The following MAGI1 variants were observed in gnomAD, a reference collection of about 807,000 sequenced individuals.
MAGI1 encodes the protein membrane associated guanylate kinase, WW and PDZ domain containing 1, also known as membrane-associated guanylate kinase, WW and PDZ domain-containing protein 1.
Under a neutral mutation model 139.9 loss-of-function variants are expected in MAGI1, and 58 were observed. The observed-to-expected ratio is 0.41, with a 90% CI of 0.34 to 0.52. MAGI1 has a LOEUF of 0.52. Among genes scored for constraint, MAGI1 ranks in the 20% least tolerant of loss-of-function variants. MAGI1 has a pLI of 0.12. For synonymous variants in MAGI1, 812 were observed against 737.9 expected, an observed-to-expected ratio of 1.10 and a Z score of -1.63; for missense variants, 1,874 against 1,901.6, an observed-to-expected ratio of 0.99 and a Z score of 0.27.
At chr3:65,764,195 A>G (rs2037285468) in intron 1 of MAGI1, among the ~76,000 whole-genome samples, 1 of 152,146 alleles carries the variant, frequency 6.6e-6, no homozygotes, top group African/African-American at 2.4e-5. Context: ...AAATACAGTA[A>G]TAAAAATTTC....
At chr3:65,921,851 A>G (rs1270850036) in intron 1 of MAGI1, among the ~76,000 whole-genome samples, 1 of 151,864 alleles carries the variant, frequency 6.6e-6, no homozygotes, top group African/African-American at 2.4e-5. Flanking sequence ...GGCTGCAGTG[A>G]GCCACGATGG....
At chr3:65,773,249 G>A (rs1245300745) in intron 1 of MAGI1, among the ~76,000 whole-genome samples, 1 of 152,136 alleles carries the variant, frequency 6.6e-6, no homozygotes, top group African/African-American at 2.4e-5. Flanking sequence ...TTAAGAGTAG[G>A]GGGTCGGGCA....
At chr3:65,787,732 C>T (rs1172028685) in intron 1 of MAGI1, among the ~76,000 whole-genome samples, 1 of 151,850 alleles carries the variant, frequency 6.6e-6, no homozygotes, top group Admixed American at 6.6e-5. Context: ...TCTAATTAGC[C>T]TTGGGTGGTT....
At chr3:65,705,571 G>A (rs925224513) in intron 1 of MAGI1, among the ~76,000 whole-genome samples, 2 of 152,164 alleles carry the variant, frequency 1.3e-5, no homozygotes, top group Admixed American at 6.6e-5. Flanking sequence ...ATTCACATGG[G>A]GAGCAGCCAT....
At chr3:65,737,428 A>G (rs932190672) in intron 1 of MAGI1, among the ~76,000 whole-genome samples, 1 of 152,268 alleles carries the variant, frequency 6.6e-6, no homozygotes, top group African/African-American at 2.4e-5. Context: ...CTTCCAGTAA[A>G]GAACAAGTCA....
At chr3:65,991,781 G>A (rs530326364) in intron 1 of MAGI1, among the ~76,000 whole-genome samples, 22 of 152,212 alleles carry the variant, frequency 1.4e-4, no homozygotes, top group Admixed American at 7.8e-4. Context: ...TTGAGAGGCC[G>A]AGGTGGGTGG....
At chr3:65,814,690 T>C (rs548480272) in intron 1 of MAGI1, among the ~76,000 whole-genome samples, 7 of 152,282 alleles carry the variant, frequency 4.6e-5, no homozygotes, top group Non-Finnish European at 8.8e-5. Context: ...GGACTGCTCA[T>C]AGAATGCTCA....
chr3:65,833,944 T>A (rs1025265612), intron 1 of MAGI1, among the ~76,000 whole-genome samples: 2 of 152,234 alleles, frequency 1.3e-5, no homozygotes, highest in African/African-American at 4.8e-5. Flanking sequence ...ATCTTTAGAT[T>A]ACTAGTACAC....
At chr3:65,359,474 G>A in intron 22 of MAGI1, 1 of 1,098,112 alleles carries the variant, frequency 9.1e-7, no homozygotes, top group Non-Finnish European at 1.1e-6. Context: ...GGCTGGCATA[G>A]GAGAGCATTA....
Position 65,727,598 on chromosome 3 carries a change from G to A in MAGI1, c.314-105510C>T, listed in dbSNP as rs185469223. Among the ~76,000 whole-genome samples, 115 of 152,248 alleles carry A rather than the reference G, an allele frequency of 7.6e-4. 1 individual carries two copies. In the Middle Eastern group the frequency reaches 0.01, roughly 14 times the overall value. On this transcript the variant is annotated intron_variant, in intron 1 of 22. Transcript: ENST00000402939. ...TTTATGATAAACTGAATGTAACCTG[G>A]GAGATGTGAGTAATATATGTGAATG...
chr3:65,478,696 G>A lies in MAGI1; in HGVS notation c.653C>T (p.Thr218Ile), dbSNP rs755984353. 11 of 1,614,048 alleles carry A rather than the reference G, an allele frequency of 6.8e-6. No individual in the cohort carries two copies. In the East Asian group the frequency reaches 8.9e-5, roughly 13 times the overall value. Reference sequence around the variant, plus strand: ...ATTGTAGGACTTGGTTCGCTTCGGGGTCGACTGCTTAGAGCCAGACTGAAG... The same window carrying A: ...ATTGTAGGACTTGGTTCGCTTCGGGATCGACTGCTTAGAGCCAGACTGAAG... ...HSLQSGSKQSTPKRTKSYNDM... is the reference protein window; with the variant it reads ...HSLQSGSKQSIPKRTKSYNDM... Residue 218 changes from threonine to isoleucine, a missense_variant, in exon 4 of 23, where the codon ACC becomes ATC. Coordinates refer to ENST00000402939, the MANE Select transcript of MAGI1 (RefSeq NM_001033057.2).
At chr3:65,433,485 G>A (rs62252638) in intron 10 of MAGI1, among the ~76,000 whole-genome samples, 11 of 151,964 alleles carry the variant, frequency 7.2e-5, no homozygotes, top group Non-Finnish European at 1.0e-4. Flanking sequence ...TATTTTTTAC[G>A]TATGGGTGGA....
intron 1 of MAGI1, among the ~76,000 whole-genome samples, chr3:65,663,674 G>A (rs937678275): frequency 2.0e-5 from 3 of 152,176 alleles, no homozygotes; most frequent in Non-Finnish European, 2.9e-5. Flanking sequence ...AGCCCTTGGG[G>A]AGCCTTCAGT....
intron 1 of MAGI1, among the ~76,000 whole-genome samples, chr3:65,986,055 G>C (rs975117051): frequency 7.2e-5 from 11 of 152,304 alleles, no homozygotes; most frequent in Non-Finnish European, 1.6e-4. Context: ...AAAGGGTATA[G>C]GATAGAAGGA....
chr3:65,730,048 T>G (rs1273142471), intron 1 of MAGI1, among the ~76,000 whole-genome samples: 1 of 152,210 alleles, frequency 6.6e-6, no homozygotes, highest in East Asian at 1.9e-4. Flanking sequence ...TTTCTCAGCA[T>G]CTGTCTTTCT....
chr3:65,449,986 C>T (rs1215792831), intron 6 of MAGI1, among the ~76,000 whole-genome samples: 1 of 152,158 alleles, frequency 6.6e-6, no homozygotes, highest in African/African-American at 2.4e-5. Flanking sequence ...TATTCATTGA[C>T]ACATTCGAAT....
intron 2 of MAGI1, among the ~76,000 whole-genome samples, chr3:65,619,276 C>G (rs890509267): frequency 6.6e-6 from 1 of 152,156 alleles, no homozygotes; most frequent in Non-Finnish European, 1.5e-5. Flanking sequence ...GGTGCTATTA[C>G]CTGCATTTCC....
intron 1 of MAGI1, among the ~76,000 whole-genome samples, chr3:66,019,714 T>A (rs2067859307): frequency 6.6e-6 from 1 of 152,080 alleles, no homozygotes; most frequent in Non-Finnish European, 1.5e-5. Context: ...ACTCATCGGG[T>A]CAAGTTAAAA....
intron 1 of MAGI1, among the ~76,000 whole-genome samples, chr3:65,856,274 A>G (rs184852370): frequency 2.8e-4 from 43 of 151,978 alleles, no homozygotes; most frequent in African/African-American, 8.0e-4. Flanking sequence ...AGAAGACTCC[A>G]GAAGAGTAGA....
Sources: allele counts gnomAD v4.1 joint callset (sites outside exome capture counted in the v4.1 genomes callset), GRCh38; gene constraint gnomAD v4.1.1; transcripts MANE v1.5; gene names NCBI Gene and HGNC (gene_info 2026-07-23, HGNC 2026-07-21).